PNPLA7: variants seen among roughly 807,000 people sequenced by gnomAD.
PNPLA7 encodes patatin-like phospholipase domain-containing protein 7.
PNPLA7 carries 153 observed loss-of-function variants against 161.7 expected under a neutral mutation model. That is an observed-to-expected ratio of 0.95 (90% confidence interval 0.83 to 1.08). The LOEUF (loss-of-function observed/expected upper bound fraction) is 1.08, where lower values mean the gene tolerates loss of function less well. Ranked by LOEUF, PNPLA7 falls within the 50% of genes least tolerant of loss-of-function variation. The pLI, the probability that PNPLA7 is intolerant of heterozygous loss-of-function variation, is 0.00. For missense variants in PNPLA7, 1,739 were observed against 1,856.6 expected, an observed-to-expected ratio of 0.94 and a Z score of 1.16; for synonymous variants, 809 against 782.1, an observed-to-expected ratio of 1.03 and a Z score of -0.57.
At chr9:137,481,069 C>T in intron 21 of PNPLA7, 46 bp from the exon 22 acceptor site, 9 of 1,542,578 alleles carry the variant, frequency 5.8e-6, no homozygotes, top group Non-Finnish European at 7.9e-6. Flanking sequence ...GGCAGCCCAC[C>T]TCCAACGCCA....
At chr9:137,503,515 A>T (rs1833625023) in intron 14 of PNPLA7, among the ~76,000 whole-genome samples, 1 of 95,926 alleles carries the variant, frequency 1.0e-5, no homozygotes, top group Admixed American at 1.0e-4. Context: ...GAGAAGGAGG[A>T]GGAGGAAGGA....
intron 14 of PNPLA7, 86 bp from the exon 15 acceptor site, chr9:137,501,813 G>GTCAAC: frequency 7.3e-7 from 1 of 1,363,790 alleles, no homozygotes; most frequent in Non-Finnish European, 1.0e-6. Context: ...GCTGTTCAGG[G>GTCAAC]GCAACGAGCG....
At chr9:137,474,259 T>C (rs1485916832) in intron 25 of PNPLA7, among the ~76,000 whole-genome samples, 3 of 152,020 alleles carry the variant, frequency 2.0e-5, no homozygotes, top group Non-Finnish European at 4.4e-5. Flanking sequence ...AACAAAAGAA[T>C]TGGTGATAAC....
intron 8 of PNPLA7, among the ~76,000 whole-genome samples, chr9:137,532,694 G>A (rs1214860707): frequency 6.6e-6 from 1 of 152,166 alleles, no homozygotes; most frequent in East Asian, 1.9e-4. Context: ...CCTCACTGCA[G>A]AGCCAGAACG....
At chr9:137,519,598 C>T (rs866481859) in intron 11 of PNPLA7, among the ~76,000 whole-genome samples, 23 of 151,944 alleles carry the variant, frequency 1.5e-4, no homozygotes, top group Middle Eastern at 3.4e-3. Flanking sequence ...ACATCCAGCC[C>T]GCATGTGAGG....
intron 12 of PNPLA7, chr9:137,509,338 G>C (rs1237983351): frequency 5.9e-6 from 1 of 169,020 alleles, no homozygotes; most frequent in East Asian, 1.7e-4. Flanking sequence ...GTACGAGTGA[G>C]TTTAGCTGGT....
At chr9:137,505,913 C>G in intron 13 of PNPLA7, 70 bp downstream of exon 13, 1 of 1,539,810 alleles carries the variant, frequency 6.5e-7, no homozygotes, top group Non-Finnish European at 8.8e-7. Flanking sequence ...GGCGGCGCCC[C>G]CAATGCACCA....
intron 10 of PNPLA7, among the ~76,000 whole-genome samples, chr9:137,521,350 C>T (rs117413480): frequency 0.02 from 3,078 of 152,330 alleles, 50 homozygotes; most frequent in Non-Finnish European, 0.032. Context: ...ACTCCATCAT[C>T]GGAGAAGGAA....
chr9:137,506,364 G>A (rs988756859), intron 12 of PNPLA7, among the ~76,000 whole-genome samples: 5 of 152,176 alleles, frequency 3.3e-5, no homozygotes, highest in Non-Finnish European at 7.3e-5. Flanking sequence ...CCTAAAACAC[G>A]GAAGGAAACC....
chr9:137,519,031 C>T (rs1279609995), intron 11 of PNPLA7, among the ~76,000 whole-genome samples: 2 of 147,098 alleles, frequency 1.4e-5, no homozygotes, highest in Admixed American at 6.8e-5. Flanking sequence ...CACTCACTCC[C>T]TCCACTCTAC....
Position 137,543,348 on chromosome 9 carries a change from A to G in PNPLA7, c.506+84T>C. The G allele has an allele frequency of 6.4e-7, 1 of 1,556,196 alleles. No individual in the cohort carries two copies. The highest frequency in any genetic ancestry group is 8.8e-7 in the Non-Finnish European group (1 of 1,135,166). Reference sequence around the variant, plus strand: ...TTGCCAACCATTCCCCCAACACAAGACGGCCAAGCTGGAGCCAGGCCCCAG... The same window carrying G: ...TTGCCAACCATTCCCCCAACACAAGGCGGCCAAGCTGGAGCCAGGCCCCAG... On this transcript the variant is annotated intron_variant, in intron 6 of 34. Transcript: ENST00000406427. The surrounding 1 kb of genome is among the most constrained non-coding windows in gnomAD (Gnocchi z 6.9).
In PNPLA7 at chr9:137,497,240, C is replaced by T. The variant is rs1299690541; in HGVS notation, c.1960G>A (p.Asp654Asn). 6.3e-6 allele frequency: 10 copies of T among 1,592,744 alleles called. No homozygotes were observed. The highest frequency in any genetic ancestry group is 4.6e-5 in the South Asian group (4 of 87,498). The change falls in exon 18 of 35, where the codon GAT (aspartate) becomes AAT (asparagine). Residue 654 changes from aspartate to asparagine, a missense_variant. Transcript: ENST00000406427. ...GRLRSVIRKD[D>N]GKKRLAGEYG... ...TCCCCGGCCAGGCGCTTCTTCCCATCATCCTTCCGGATCACAGAGCGCAGC... is the reference window on the plus strand; with the variant it reads ...TCCCCGGCCAGGCGCTTCTTCCCATTATCCTTCCGGATCACAGAGCGCAGC...
rs151166263 is a variant in PNPLA7 at position 137,492,223 on chromosome 9, A to G, written c.2197+790T>C. On this transcript the variant is annotated intron_variant, in intron 20 of 34. Transcript: ENST00000406427. ...GGGAAAACTAAATTCCCCACACTCT[A>G]GAATGGTCTCATTATCTTTCCATGC... 3.1e-5 allele frequency: 31 copies of G among 985,326 alleles called. No individual in the cohort carries two copies. The East Asian group carries it at 3.1e-3, about 98-fold the overall frequency. The allele number at this position is 985,326 out of a possible 1,614,324, so 61.0% of individuals were successfully genotyped here. A position where few individuals can be genotyped will look rare whatever the true frequency, so the allele number is the denominator to read the frequency against.
intron 14 of PNPLA7, among the ~76,000 whole-genome samples, chr9:137,504,078 A>AGAAG (rs374463157): frequency 4.1e-5 from 6 of 145,162 alleles, no homozygotes; most frequent in African/African-American, 1.6e-4. Flanking sequence ...AGAAGGAAGA[A>AGAAG]GAAGAAGGAA....
chr9:137,545,924 AAAGG>A (rs1836492774), intron 4 of PNPLA7, among the ~76,000 whole-genome samples: 1 of 152,008 alleles, frequency 6.6e-6, no homozygotes, highest in Admixed American at 6.5e-5. Context: ...GCAGACAGGG[AAAGG>A]GAGTCTCCCT....
chr9:137,483,132 C>T (rs964758322), intron 21 of PNPLA7, among the ~76,000 whole-genome samples: 5 of 151,952 alleles, frequency 3.3e-5, no homozygotes. Context: ...TCAGCCTCCC[C>T]AAGTGCTGGG....
intron 8 of PNPLA7, among the ~76,000 whole-genome samples, chr9:137,531,873 T>TAG (rs780440728): frequency 6.6e-6 from 1 of 152,186 alleles, no homozygotes; most frequent in Non-Finnish European, 1.5e-5. Context: ...ACCTGTGTTC[T>TAG]AGCTAACCAG....
chr9:137,529,843 G>A (rs997667926), intron 8 of PNPLA7, among the ~76,000 whole-genome samples: 9 of 151,896 alleles, frequency 5.9e-5, no homozygotes, highest in African/African-American at 2.2e-4. Context: ...ATTTTTAGTA[G>A]AGACGGGGTT....
Position 137,541,124 on chromosome 9 carries a change from C to T in PNPLA7, c.667-402G>A, listed in dbSNP as rs909124205. On this transcript the variant is annotated intron_variant, in intron 7 of 34. Coordinates refer to ENST00000406427, the MANE Select transcript of PNPLA7 (RefSeq NM_001098537.3). This position sits in a 1 kb window ranked among gnomAD's most constrained non-coding sequence, Gnocchi z 4.4. ...AGGTAAAAAAAGAAAAGAAACCGCG[C>T]TATTTTGGTGATTTAACAAAGTAAG... is the stretch of plus-strand genomic sequence containing the variant. Among the ~76,000 whole-genome samples, 1 of 152,188 alleles carries T rather than the reference C, an allele frequency of 6.6e-6. No individual in the cohort carries two copies. The highest frequency in any genetic ancestry group is 1.5e-5 in the Non-Finnish European group (1 of 68,032).
Sources: gnomAD v4.1 joint callset for allele counts (sites outside exome capture counted in the v4.1 genomes callset) on GRCh38, gnomAD v4.1.1 for gene constraint, Gnocchi (gnomAD v3.1) non-coding constraint, MANE v1.5 for transcripts, NCBI Gene and HGNC (gene_info 2026-07-23, HGNC 2026-07-21) for gene names.